WDR59: variants seen among roughly 807,000 people sequenced by gnomAD.
WDR59 encodes GATOR2 complex protein WDR59.
In WDR59, 100 loss-of-function variants were observed where a neutral mutation model predicts 131.2. That is an observed-to-expected ratio of 0.76 (90% CI 0.65 to 0.90). WDR59 has a LOEUF of 0.90. Ranked by LOEUF, WDR59 falls within the 40% of genes least tolerant of loss-of-function variation. WDR59 has a pLI of 0.00. For synonymous variants in WDR59, 601 were observed against 466.2 expected (o/e 1.29, Z -3.72); for missense variants, 1,203 against 1,262.2 (o/e 0.95, Z 0.71).
chr16:74,974,307 T>G (rs2034100898), intron 1 of WDR59, among the ~76,000 whole-genome samples: 1 of 152,150 alleles, frequency 6.6e-6, no homozygotes, highest in African/African-American at 2.4e-5. Context: ...ACTCCTCACC[T>G]GCAAAATGAC....
intron 19 of WDR59, among the ~76,000 whole-genome samples, chr16:74,893,333 T>G (rs1965131724): frequency 6.6e-6 from 1 of 152,156 alleles, no homozygotes; most frequent in Non-Finnish European, 1.5e-5. Flanking sequence ...GTTCTACAGC[T>G]GCAAGGGTCT....
At chr16:74,893,306 A>G (rs1965130634) in intron 19 of WDR59, among the ~76,000 whole-genome samples, 1 of 152,144 alleles carries the variant, frequency 6.6e-6, no homozygotes, top group Admixed American at 6.5e-5. Context: ...TGGTCTCAAG[A>G]CGAAATTTAC....
chr16:74,899,802 G>C, intron 18 of WDR59: 2 of 1,241,528 alleles, frequency 1.6e-6, no homozygotes, highest in African/African-American at 3.1e-5. Flanking sequence ...AAAACACCAA[G>C]AAAATTAAAA....
intron 8 of WDR59, among the ~76,000 whole-genome samples, chr16:74,929,344 G>C (rs913440081): frequency 6.6e-6 from 1 of 152,036 alleles, no homozygotes; most frequent in African/African-American, 2.4e-5. Context: ...CAAAGTGCTG[G>C]GATTATAGGC....
intron 3 of WDR59, among the ~76,000 whole-genome samples, chr16:74,954,047 C>CA (rs964284815): frequency 2.0e-5 from 3 of 151,488 alleles, no homozygotes; most frequent in East Asian, 3.9e-4. Context: ...GACATTTCTC[C>CA]AAAAAAATGA....
intron 2 of WDR59, among the ~76,000 whole-genome samples, chr16:74,963,656 T>C (rs2033652415): frequency 1.3e-5 from 2 of 152,092 alleles, no homozygotes; most frequent in Admixed American, 6.6e-5. Context: ...ACCTAGGTGA[T>C]GGGTTGATAG....
chr16:74,916,201 A>C lies in WDR59; in HGVS notation c.1025T>G (p.Leu342Arg). The C allele has an allele frequency of 6.2e-7, 1 of 1,614,086 alleles. No homozygotes were observed. Among genetic ancestry groups the C allele is most frequent in the South Asian group, 1.1e-5 (1 of 91,078 alleles). Residue 342 changes from leucine (L) to arginine (R), a missense_variant, in exon 12 of 26, where the codon CTG (leucine) becomes CGG (arginine). Transcript: ENST00000262144. ...VDEFIESISL[L>R]PEPEKTLHTE... ...GTGCAGGGTCTTCTCAGGTTCCGGC[A>C]GAAGGGAAATACTCTCAATGAACTC...
intron 1 of WDR59, among the ~76,000 whole-genome samples, chr16:74,970,495 CAA>C (rs746574195): frequency 6.0e-5 from 2 of 33,444 alleles, no homozygotes; most frequent in Non-Finnish European, 1.3e-4. Flanking sequence ...ACTCTGTCTC[CAA>C]AAAAAAAAAA....
chr16:74,953,472 C>CA lies in WDR59; in HGVS notation c.241-1930dup, dbSNP rs59976539. On this transcript the variant is annotated intron_variant, in intron 3 of 25. Coordinates refer to ENST00000262144, the MANE Select transcript of WDR59 (RefSeq NM_030581.4). ...TGGGCAACAGAACGAGACTCCGTCTCAAAAAAAAAAAAAAAAAGTTGCCTT... is the reference window on the plus strand; with the variant it reads ...TGGGCAACAGAACGAGACTCCGTCTCAAAAAAAAAAAAAAAAAAGTTGCCTT... Among the ~76,000 whole-genome samples the CA allele has an allele frequency of 4.2e-3, 406 of 97,072 alleles. 2 individuals are homozygous for CA. Among genetic ancestry groups the CA allele is most frequent in the South Asian group, 5.0e-3 (17 of 3,388 alleles). The allele number at this position is 97,072 out of a possible 152,430, so 63.7% of individuals were successfully genotyped here. A position where few individuals can be genotyped will look rare whatever the true frequency, so the allele number is the denominator to read the frequency against.
chr16:74,947,961 T>A (rs1008992708), intron 6 of WDR59, among the ~76,000 whole-genome samples: 1 of 152,050 alleles, frequency 6.6e-6, no homozygotes, highest in Non-Finnish European at 1.5e-5. Flanking sequence ...TCCCAGCTAC[T>A]TGGGAGACTG....
At chr16:74,914,449 G>A (rs1966260973) in intron 13 of WDR59, among the ~76,000 whole-genome samples, 1 of 152,142 alleles carries the variant, frequency 6.6e-6, no homozygotes, top group Non-Finnish European at 1.5e-5. Context: ...GGAGTAAAGA[G>A]AAAAGAACCA....
chr16:74,922,010 C>T lies in WDR59; in HGVS notation c.823G>A (p.Val275Ile). The change falls in exon 10 of 26, where the codon GTC (valine) becomes ATC (isoleucine). Residue 275 changes from valine to isoleucine, a missense_variant. By Grantham distance (29) the Val-to-Ile change is conservative. Coordinates refer to ENST00000262144, the MANE Select transcript of WDR59 (RefSeq NM_030581.4). ...LWNVFDLNTP[V>I]HTFVGHDDVV... ...TCATCATGCCCCACGAAGGTGTGGA[C>T]TGGGGTGTTCAAGTCAAAGACATTC... The T allele has an allele frequency of 1.9e-6, 3 of 1,614,176 alleles. No individual in the cohort carries two copies. The highest frequency in any genetic ancestry group is 1.1e-5 in the South Asian group (1 of 91,084).
At chr16:74,898,081 C>T (rs1350202555) in intron 18 of WDR59, among the ~76,000 whole-genome samples, 5 of 152,212 alleles carry the variant, frequency 3.3e-5, no homozygotes, top group Admixed American at 2.6e-4. Context: ...CCATCCACTT[C>T]TCTCCTAAGA....
intron 8 of WDR59, among the ~76,000 whole-genome samples, chr16:74,927,829 A>T (rs1466020951): frequency 6.6e-6 from 1 of 151,394 alleles, no homozygotes; most frequent in East Asian, 1.9e-4. Flanking sequence ...TGAGATGTGT[A>T]TTTAAAGAAC....
intron 7 of WDR59, among the ~76,000 whole-genome samples, chr16:74,940,753 T>C (rs1018459404): frequency 7.9e-5 from 12 of 152,126 alleles, no homozygotes; most frequent in African/African-American, 2.4e-4. Flanking sequence ...TCATCCAGGC[T>C]GGAGTGCAGT....
intron 3 of WDR59, among the ~76,000 whole-genome samples, chr16:74,955,663 C>G (rs1410467216): frequency 6.6e-6 from 1 of 152,168 alleles, no homozygotes; most frequent in Non-Finnish European, 1.5e-5. Flanking sequence ...CAAAGTTGCT[C>G]TTCTTTCCTT....
intron 25 of WDR59, among the ~76,000 whole-genome samples, chr16:74,876,994 T>C (rs1964246293): frequency 6.6e-6 from 1 of 151,992 alleles, no homozygotes; most frequent in Non-Finnish European, 1.5e-5. Flanking sequence ...GGAAGAAGAA[T>C]GACTCTGGGA....
At chr16:74,953,910 G>A (rs2033145209) in intron 3 of WDR59, among the ~76,000 whole-genome samples, 1 of 151,724 alleles carries the variant, frequency 6.6e-6, no homozygotes, top group Admixed American at 6.6e-5. Context: ...GCTGAGGCAG[G>A]AGAATGGCGT....
chr16:74,932,430 TACACACACACACAC>T lies in WDR59; in HGVS notation c.651+5706_651+5719del, dbSNP rs34468583. Among the ~76,000 whole-genome samples the T allele has an allele frequency of 6.9e-3, 989 of 144,204 alleles. 17 individuals are homozygous for T. Among genetic ancestry groups the T allele is most frequent in the South Asian group, 0.056 (247 of 4,384 alleles). The allele number at this position is 144,204 out of a possible 152,430, so 94.6% of individuals were successfully genotyped here. On this transcript the variant is annotated intron_variant, in intron 8 of 25. Transcript: ENST00000262144. ...AAATTGAGTCATGAAACATAATTTT[TACACACACACACAC>T]ACACACACACACACACACACACAAC...
Sources: allele counts gnomAD v4.1 joint callset (sites outside exome capture counted in the v4.1 genomes callset), GRCh38; gene constraint gnomAD v4.1.1; transcripts MANE v1.5; gene names NCBI Gene and HGNC (gene_info 2026-07-23, HGNC 2026-07-21).